The following OPRM1 variants were observed in gnomAD, a reference collection of about 807,000 sequenced individuals.
OPRM1 encodes opioid receptor mu 1, also known as mu-type opioid receptor.
Under a neutral mutation model 31.8 loss-of-function variants are expected in OPRM1, and 27 were observed. The ratio of observed to expected loss-of-function variants is 0.85; its 90% CI spans 0.63 to 1.17. The LOEUF (loss-of-function observed/expected upper bound fraction) is 1.17. OPRM1 is among the 50% of genes most tolerant of loss of function. The pLI is 0.00. For missense variants in OPRM1, 536 were observed against 511.1 expected (o/e 1.05, Z -0.47); for synonymous variants, 196 against 189.9 (o/e 1.03, Z -0.26).
At chr6:154,148,246 T>C (rs1025547700) in intron 3 of OPRM1, among the ~76,000 whole-genome samples, 12 of 152,220 alleles carry the variant, frequency 7.9e-5, no homozygotes, top group African/African-American at 2.9e-4. Flanking sequence ...GGCCAATCCA[T>C]GGGTGAAATC....
At chr6:154,206,869 C>T (rs765204479) in intron 3 of OPRM1, among the ~76,000 whole-genome samples, 4 of 152,134 alleles carry the variant, frequency 2.6e-5, no homozygotes, top group African/African-American at 7.2e-5. Context: ...GTTGGGCTGA[C>T]GATAAGGGCA....
In OPRM1 at chr6:154,175,126, A is replaced by G. The variant is rs572825552; in HGVS notation, c.1165-71567A>G. ...ATAAAGATGTTCTTTGAAACCAATTAGAACAAAGACACAACGTACCAGAAG... is the reference window on the plus strand; with the variant it reads ...ATAAAGATGTTCTTTGAAACCAATTGGAACAAAGACACAACGTACCAGAAG... On this transcript the variant is annotated intron_variant, in intron 3 of 3. Coordinates refer to the OPRM1 transcript ENST00000337049. 2.6e-5 allele frequency among the ~76,000 whole-genome samples: 4 copies of G among 152,360 alleles called. No individual in the cohort carries two copies. In the South Asian group the frequency reaches 8.3e-4, roughly 32 times the overall value.
intron 3 of OPRM1, among the ~76,000 whole-genome samples, chr6:154,186,062 TTC>T (rs1801320062): frequency 6.6e-6 from 1 of 152,212 alleles, no homozygotes; most frequent in Non-Finnish European, 1.5e-5. Flanking sequence ...CTTCTCTGTG[TTC>T]TCTCTCCCCA....
Position 154,139,233 on chromosome 6 carries a change from G to T in OPRM1, c.1164+47761G>T, listed in dbSNP as rs548944415. ...AGCAGGTAAGGTGACCCATTGATAG[G>T]TTACAAAGGCAGGCCTCCTGGAATG... On this transcript the variant is annotated intron_variant, in intron 3 of 3. Coordinates refer to the OPRM1 transcript ENST00000337049. Among the ~76,000 whole-genome samples, 5 of 152,336 alleles carry T rather than the reference G, an allele frequency of 3.3e-5. No homozygotes were observed. The East Asian group carries it at 5.8e-4, about 18-fold the overall frequency.
intron 1 of OPRM1, among the ~76,000 whole-genome samples, chr6:154,084,136 A>G (rs17084952): frequency 0.016 from 2,463 of 152,172 alleles, 54 homozygotes; most frequent in African/African-American, 0.052. Flanking sequence ...CGCAGGATTC[A>G]GAGGTCTGCT....
At chr6:154,115,849 G>C (rs1796817299) in intron 3 of OPRM1, among the ~76,000 whole-genome samples, 1 of 152,202 alleles carries the variant, frequency 6.6e-6, no homozygotes, top group African/African-American at 2.4e-5. Flanking sequence ...TGCCTCCCTA[G>C]GGCCCACCGT....
intron 3 of OPRM1, among the ~76,000 whole-genome samples, chr6:154,229,818 C>G (rs2128625135): frequency 6.6e-6 from 1 of 152,316 alleles, no homozygotes; most frequent in East Asian, 1.9e-4. Flanking sequence ...CTGGAAACAA[C>G]CTAAATGTCC....
upstream of OPRM1, among the ~76,000 whole-genome samples, chr6:154,036,953 C>T (rs557631133): frequency 1.3e-5 from 2 of 151,888 alleles, no homozygotes; most frequent in Admixed American, 6.6e-5. Flanking sequence ...CCTTAGGAAC[C>T]TTATTACGGA....
intron 3 of OPRM1, among the ~76,000 whole-genome samples, chr6:154,239,744 C>A (rs908363870): frequency 6.6e-6 from 1 of 152,220 alleles, no homozygotes; most frequent in South Asian, 2.1e-4. Context: ...CGCTCTGTCA[C>A]CCAGGCTGGA....
chr6:154,204,564 G>A (rs1172629318), intron 3 of OPRM1, among the ~76,000 whole-genome samples: 1 of 152,118 alleles, frequency 6.6e-6, no homozygotes, highest in Non-Finnish European at 1.5e-5. Flanking sequence ...CCTTGTAATA[G>A]TACACTCCTT....
intron 3 of OPRM1, among the ~76,000 whole-genome samples, chr6:154,234,187 C>T (rs1779934683): frequency 6.6e-6 from 1 of 152,018 alleles, no homozygotes; most frequent in South Asian, 2.1e-4. Flanking sequence ...CAGTGAGACC[C>T]CATCTCTAAA....
chr6:154,043,964 A>G (rs1210249387), intron 1 of OPRM1, among the ~76,000 whole-genome samples: 1 of 152,108 alleles, frequency 6.6e-6, no homozygotes, highest in East Asian at 1.9e-4. Context: ...TGTCATTTGC[A>G]TGACATTACC....
intron 3 of OPRM1, among the ~76,000 whole-genome samples, chr6:154,185,062 T>C (rs1438722881): frequency 6.6e-6 from 1 of 152,220 alleles, no homozygotes; most frequent in Non-Finnish European, 1.5e-5. Context: ...TCCTGCTACA[T>C]GGCATGACTA....
At chr6:154,158,412 G>A (rs999911942) in intron 3 of OPRM1, 4 of 152,168 alleles carry the variant, frequency 2.6e-5, no homozygotes, top group African/African-American at 9.7e-5. Context: ...AGTCTTTAAT[G>A]AAAAGATGAC....
upstream of OPRM1, among the ~76,000 whole-genome samples, chr6:154,035,205 C>CT (rs903919627): frequency 5.3e-5 from 8 of 151,052 alleles, no homozygotes; most frequent in African/African-American, 9.7e-5. Context: ...TTTTGAACTG[C>CT]TTTTTTTTTA....
chr6:154,110,439 T>C (rs773838611), intron 3 of OPRM1: 8 of 1,438,786 alleles, frequency 5.6e-6, no homozygotes, highest in South Asian at 1.2e-5. Context: ...CGTGAAAGAA[T>C]ATAAGATTGG....
chr6:154,191,546 C>T (rs775978257), intron 3 of OPRM1, among the ~76,000 whole-genome samples: 5 of 151,762 alleles, frequency 3.3e-5, no homozygotes, highest in Non-Finnish European at 5.9e-5. Flanking sequence ...TGGTGGCGAG[C>T]GCCTATAGTC....
At chr6:154,109,792 C>CTCTCTGTGTGTGTG (rs1358444421) in intron 3 of OPRM1, among the ~76,000 whole-genome samples, 15 of 101,194 alleles carry the variant, frequency 1.5e-4, no homozygotes, top group African/African-American at 5.7e-4. Context: ...CTCTCTCTCT[C>CTCTCTGTGTGTGTG]TGTGTGTGTG....
chr6:154,194,315 C>A (rs933214160), intron 3 of OPRM1, among the ~76,000 whole-genome samples: 1 of 152,214 alleles, frequency 6.6e-6, no homozygotes, highest in African/African-American at 2.4e-5. Context: ...AGGAGAATCA[C>A]TTGAACGCAG....
Sources: gnomAD v4.1 joint callset for allele counts (sites outside exome capture counted in the v4.1 genomes callset) on GRCh38, gnomAD v4.1.1 for gene constraint, MANE v1.5 for transcripts, NCBI Gene and HGNC (gene_info 2026-07-23, HGNC 2026-07-21) for gene names.